Variants in PRKCA observed in about 807,000 individuals in gnomAD.
PRKCA encodes protein kinase C alpha.
A neutral mutation model predicts 87.0 loss-of-function variants in PRKCA; 27 were observed. The observed-to-expected ratio is 0.31, with a 90% CI of 0.23 to 0.43. The LOEUF (loss-of-function observed/expected upper bound fraction) is 0.43. Ranked by LOEUF, PRKCA falls within the 20% of genes least tolerant of loss-of-function variation. The pLI is 1.00. For synonymous variants in PRKCA, 329 were observed against 311.1 expected (o/e 1.06, Z -0.61); for missense variants, 518 against 852.3 (o/e 0.61, Z 4.88).
intron 3 of PRKCA, among the ~76,000 whole-genome samples, chr17:66,611,201 G>A (rs1970353647): frequency 6.6e-6 from 1 of 152,152 alleles, no homozygotes; most frequent in Non-Finnish European, 1.5e-5. Context: ...TACAATTCAT[G>A]TACCCATAAG....
intron 1 of PRKCA, among the ~76,000 whole-genome samples, chr17:66,305,401 T>C (rs970962005): frequency 1.3e-5 from 2 of 152,192 alleles, no homozygotes; most frequent in African/African-American, 4.8e-5. Flanking sequence ...TTCATTCTGG[T>C]AGAACAATAC....
chr17:66,572,752 C>T (rs1275587361), intron 3 of PRKCA, among the ~76,000 whole-genome samples: 1 of 152,144 alleles, frequency 6.6e-6, no homozygotes, highest in Non-Finnish European at 1.5e-5. Context: ...CTGCCTTGGC[C>T]TCCTAAAGTC....
At chr17:66,369,999 A>G (rs996600575) in intron 2 of PRKCA, among the ~76,000 whole-genome samples, 1 of 152,212 alleles carries the variant, frequency 6.6e-6, no homozygotes, top group African/African-American at 2.4e-5. Context: ...CCTCTAAACC[A>G]GGACACTTTT....
chr17:66,727,281 C>A (rs1234308840), intron 8 of PRKCA, among the ~76,000 whole-genome samples: 1 of 152,192 alleles, frequency 6.6e-6, no homozygotes, highest in African/African-American at 2.4e-5. Flanking sequence ...GAGAGAGTGG[C>A]GTGCAAGGGG....
intron 2 of PRKCA, among the ~76,000 whole-genome samples, chr17:66,450,321 A>C (rs1310623861): frequency 6.6e-6 from 1 of 152,220 alleles, no homozygotes; most frequent in Non-Finnish European, 1.5e-5. Flanking sequence ...AGTCCCTCTT[A>C]GTCACAGTCT....
intron 2 of PRKCA, among the ~76,000 whole-genome samples, chr17:66,407,009 C>T (rs970198795): frequency 3.9e-5 from 6 of 152,146 alleles, no homozygotes; most frequent in South Asian, 2.1e-4. Flanking sequence ...AGACACTCTT[C>T]GTTGCTTTAA....
Position 66,766,659 on chromosome 17 carries a change from T to C in PRKCA, c.1525-7328T>C, listed in dbSNP as rs1041842590. Among the ~76,000 whole-genome samples, 3 of 152,006 alleles carry C rather than the reference T, an allele frequency of 2.0e-5. No individual in the cohort carries two copies. In the South Asian group the frequency reaches 6.2e-4, roughly 32 times the overall value. On this transcript the variant is annotated intron_variant, in intron 13 of 16. Coordinates refer to ENST00000413366, the MANE Select transcript of PRKCA (RefSeq NM_002737.3). Reference sequence around the variant, plus strand: ...CCTGTCTCTACTAAAAATACAAAAATTAGCTGGGCATGGTGGTGGGAGTCT... The same window carrying C: ...CCTGTCTCTACTAAAAATACAAAAACTAGCTGGGCATGGTGGTGGGAGTCT...
chr17:66,774,661 T>C lies in PRKCA; in HGVS notation c.1605+594T>C, dbSNP rs550090889. The C allele has an allele frequency of 3.0e-6, 3 of 986,724 alleles. No homozygotes were observed. In the South Asian group the frequency reaches 1.4e-4, roughly 46 times the overall value. The allele number at this position is 986,724 out of a possible 1,614,324, so 61.1% of individuals were successfully genotyped here. On this transcript the variant is annotated intron_variant, in intron 14 of 16. Transcript: ENST00000413366. ...GCACGTTGATGACAGCAGTGGCCTC[T>C]AAGTTTTCAGTATCTTAAAACTGGG...
chr17:66,495,786 C>G (rs1424351487), intron 2 of PRKCA, among the ~76,000 whole-genome samples: 1 of 151,982 alleles, frequency 6.6e-6, no homozygotes, highest in Non-Finnish European at 1.5e-5. Flanking sequence ...CCAGGCTGCT[C>G]TTGAACTCCT....
intron 3 of PRKCA, among the ~76,000 whole-genome samples, chr17:66,604,015 A>G (rs1209945097): frequency 2.0e-5 from 3 of 152,138 alleles, no homozygotes; most frequent in South Asian, 2.1e-4. Flanking sequence ...TCACTCATCA[A>G]TGGACACTTG....
In PRKCA at chr17:66,725,136, G is replaced by A. The variant is rs1189079537; in HGVS notation, c.919-7552G>A. Among the ~76,000 whole-genome samples, 4 of 152,302 alleles carry A rather than the reference G, an allele frequency of 2.6e-5. No individual in the cohort carries two copies. In the East Asian group the frequency reaches 7.7e-4, roughly 29 times the overall value. The stretch of plus-strand genomic sequence containing the variant: ...TCATCATGTGGCCAACCACCCTAAA[G>A]GCAGAGAGCCCTCCCAGCACTTCTC... On this transcript the variant is annotated intron_variant, in intron 8 of 16. Transcript: ENST00000413366.
chr17:66,774,403 CT>C, intron 14 of PRKCA: 1 of 1,090,332 alleles, frequency 9.2e-7, no homozygotes, highest in Admixed American at 4.0e-5. Flanking sequence ...GGCGGATCGC[CT>C]GAGGTCAGGA....
chr17:66,697,638 G>C (rs1783035321), intron 8 of PRKCA, among the ~76,000 whole-genome samples: 1 of 152,142 alleles, frequency 6.6e-6, no homozygotes, highest in South Asian at 2.1e-4. Flanking sequence ...ACCTCACCCA[G>C]ATTGCTGAGA....
rs529878383 is a variant in PRKCA, at chr17:66,386,811, T to C, written c.205+80684T>C. Among the ~76,000 whole-genome samples, 10 of 152,306 alleles carry C rather than the reference T, an allele frequency of 6.6e-5. No homozygotes were observed. In the South Asian group the frequency reaches 2.1e-3, roughly 32 times the overall value. ...CTCTAAAAGCCTTTTTTTTTTCTTT[T>C]AATGTAAGGCTTGAAAGCAAGAACA... is the stretch of plus-strand genomic sequence containing the variant. On this transcript the variant is annotated intron_variant, in intron 2 of 16. Transcript: ENST00000413366.
intron 14 of PRKCA, among the ~76,000 whole-genome samples, chr17:66,783,364 T>C (rs1001022452): frequency 6.6e-6 from 1 of 152,174 alleles, no homozygotes; most frequent in Non-Finnish European, 1.5e-5. Flanking sequence ...GGATGCAAAC[T>C]TGGACCCAGG....
chr17:66,404,763 TTTTTTTG>T (rs1911255052), intron 2 of PRKCA, among the ~76,000 whole-genome samples: 1 of 140,900 alleles, frequency 7.1e-6, no homozygotes, highest in Non-Finnish European at 1.6e-5. Context: ...TTTTTTTTTT[TTTTTTTG>T]AGACAGCGTT....
At chr17:66,746,999 C>A (rs1441016737) in intron 13 of PRKCA, among the ~76,000 whole-genome samples, 2 of 152,140 alleles carry the variant, frequency 1.3e-5, no homozygotes, top group Admixed American at 1.3e-4. Flanking sequence ...TGCTTCTGGC[C>A]TGTGTCCCGA....
At chr17:66,453,425 C>T (rs1318752318) in intron 2 of PRKCA, among the ~76,000 whole-genome samples, 1 of 151,936 alleles carries the variant, frequency 6.6e-6, no homozygotes, top group Non-Finnish European at 1.5e-5. Flanking sequence ...TCAAGCGATT[C>T]TCCTGCCTCA....
intron 3 of PRKCA, among the ~76,000 whole-genome samples, chr17:66,528,530 T>A (rs1470509633): frequency 6.6e-6 from 1 of 151,904 alleles, no homozygotes; most frequent in Non-Finnish European, 1.5e-5. Flanking sequence ...GTTGGGAGGG[T>A]TGCCCTTCAA....
Sources: allele counts gnomAD v4.1 joint callset (sites outside exome capture counted in the v4.1 genomes callset), GRCh38; gene constraint gnomAD v4.1.1; transcripts MANE v1.5; gene names NCBI Gene and HGNC (gene_info 2026-07-23, HGNC 2026-07-21).